Variants in NEB observed in about 807,000 individuals in gnomAD.
The protein encoded by NEB is nebulin.
NEB carries 512 observed loss-of-function variants against 952.2 expected under a neutral mutation model. The ratio of observed to expected loss-of-function variants is 0.54; its 90% CI spans 0.50 to 0.58. The LOEUF (loss-of-function observed/expected upper bound fraction) is 0.58, where lower values mean the gene tolerates loss of function less well. Among genes scored for constraint, NEB ranks in the 20% least tolerant of loss-of-function variants. NEB has a pLI of 0.00. For missense variants in NEB, 8,428 were observed against 9,231.1 expected, an observed-to-expected ratio of 0.91 and a Z score of 3.56; for synonymous variants, 2,900 against 3,149.8, an observed-to-expected ratio of 0.92 and a Z score of 2.66.
chr2:151,681,064 C>A (rs2099410698), intron 29 of NEB, among the ~76,000 whole-genome samples: 1 of 152,130 alleles, frequency 6.6e-6, no homozygotes, highest in East Asian at 1.9e-4. Context: ...CTCTCAGGAA[C>A]CAGACAGACT....
chr2:151,716,085 A>G (rs1437603937), intron 10 of NEB: 1 of 408,850 alleles, frequency 2.4e-6, no homozygotes, highest in African/African-American at 2.1e-5. Flanking sequence ...CCAAAAAGAT[A>G]AATTGTCCTT....
chr2:151,646,851 C>T (rs569192098), intron 54 of NEB, among the ~76,000 whole-genome samples: 83 of 152,244 alleles, frequency 5.5e-4, no homozygotes, highest in African/African-American at 1.9e-3. Context: ...GGTTTCGCTA[C>T]GTTGTGCAGG....
intron 52 of NEB, 95 bp from the exon 53 acceptor site, chr2:151,650,980 CA>C (rs2099023001): frequency 3.2e-6 from 4 of 1,245,452 alleles, no homozygotes; most frequent in Non-Finnish European, 4.4e-6. Flanking sequence ...TTTTTTGAGA[CA>C]GGGGTCTATG....
chr2:151,563,869 T>C lies in NEB; in HGVS notation c.18533A>G (p.Tyr6178Cys), dbSNP rs1442222959. 1 of 1,613,068 alleles carries C rather than the reference T, an allele frequency of 6.2e-7. No homozygotes were observed. ...ATGCTTGGCTCCAACAATGGGAATGTAGCGCTCATCCAGGGTGTAGCCATA... is the reference window on the plus strand; with the variant it reads ...ATGCTTGGCTCCAACAATGGGAATGCAGCGCTCATCCAGGGTGTAGCCATA... ...KAYGYTLDERYIPIVGAKHAD... is the reference protein window; with the variant it reads ...KAYGYTLDERCIPIVGAKHAD... The change falls in exon 118 of 182, where the codon TAC (tyrosine) becomes TGC (cysteine). Residue 6178 changes from tyrosine (Y) to cysteine (C), a missense_variant. Around this residue, in one of 11 missense-constraint regions of NEB, gnomAD observed 3,374 missense variants for 3,651.5 expected, o/e 0.92. Transcript: ENST00000397345.
At chr2:151,652,892 C>T (rs1415435913) in intron 52 of NEB, among the ~76,000 whole-genome samples, 3 of 152,106 alleles carry the variant, frequency 2.0e-5, no homozygotes, top group African/African-American at 4.8e-5. Context: ...TAGCACATAG[C>T]ACTAAATGGA....
chr2:151,692,536 T>C (rs1404311908), intron 20 of NEB, 174 bp from the exon 21 acceptor site: 7 of 659,482 alleles, frequency 1.1e-5, no homozygotes, highest in African/African-American at 9.1e-5. Context: ...TCATGCCTTA[T>C]ATAATCTCAT....
intron 54 of NEB, 132 bp downstream of exon 54, chr2:151,650,044 T>C: frequency 1.2e-6 from 1 of 821,386 alleles, no homozygotes; most frequent in Non-Finnish European, 1.9e-6. Context: ...AATAAAATGA[T>C]CCAATATAAA....
At chr2:151,492,980 T>C (rs752911349) in intron 176 of NEB, 2 of 219,718 alleles carry the variant, frequency 9.1e-6, no homozygotes, top group Non-Finnish European at 1.8e-5. Flanking sequence ...TTTCAGAGTA[T>C]TACCCATGTC....
intron 107 of NEB, among the ~76,000 whole-genome samples, chr2:151,571,554 T>C (rs1195560378): frequency 6.6e-6 from 1 of 152,210 alleles, no homozygotes; most frequent in Non-Finnish European, 1.5e-5. Flanking sequence ...TCAATATGGC[T>C]TTTTTGATCT....
chr2:151,685,672 G>A (rs907029005), intron 27 of NEB, among the ~76,000 whole-genome samples: 2 of 152,190 alleles, frequency 1.3e-5, no homozygotes, highest in Admixed American at 1.3e-4. Flanking sequence ...TGGGCCTCAA[G>A]GACTCCCTTC....
At chr2:151,555,566 T>A (rs1354906383) in intron 124 of NEB, among the ~76,000 whole-genome samples, 2 of 152,178 alleles carry the variant, frequency 1.3e-5, no homozygotes, top group African/African-American at 2.4e-5. Flanking sequence ...GGATAACAAT[T>A]AGTTCTTAAG....
In NEB at chr2:151,554,928, T is replaced by G; in HGVS notation, c.19428+3A>C. The G allele has an allele frequency of 6.2e-7, 1 of 1,602,400 alleles. No homozygotes were observed. Among genetic ancestry groups the G allele is most frequent in the Non-Finnish European group, 8.6e-7 (1 of 1,169,354 alleles). ...TCATTAAGGGGCGCATGACCGTACTTACATCGATGTTAAGCTTGCCAACTC... is the reference window on the plus strand; with the variant it reads ...TCATTAAGGGGCGCATGACCGTACTGACATCGATGTTAAGCTTGCCAACTC... On this transcript the variant is annotated splice_donor_region_variant and intron_variant, in intron 125 of 181. Coordinates refer to ENST00000397345, the MANE Select transcript of NEB (RefSeq NM_001164508.2).
At chr2:151,579,109 T>A (rs145381118) in intron 105 of NEB, among the ~76,000 whole-genome samples, 5,255 of 106,458 alleles carry the variant, frequency 0.049, 120 homozygotes, top group Middle Eastern at 0.071. Context: ...AAAAAAAAAG[T>A]AAGAAACTGG....
chr2:151,666,195 C>T lies in NEB; in HGVS notation c.4926G>A (p.Glu1642=), dbSNP rs2154178922. 6.2e-7 allele frequency: 1 copy of T among 1,613,940 alleles called. No homozygotes were observed. Among genetic ancestry groups the T allele is most frequent in the Non-Finnish European group, 8.5e-7 (1 of 1,179,854 alleles). Residue 1642 remains glutamate (E), a synonymous_variant, in exon 41 of 182, where the codon GAG becomes GAA. Transcript: ENST00000397345. ...GTCTGTAGTTGGCGTTGGTGGCAAC[C>T]TCCTGAGATTTCTTTGCAGCTGTCA... ...VSVTAAKKSQ[E]VATNANYRQS... is the part of the protein sequence containing the mutation.
At chr2:151,716,155 T>C in intron 10 of NEB, 1 of 440,454 alleles carries the variant, frequency 2.3e-6, no homozygotes, top group Non-Finnish European at 4.5e-6. Flanking sequence ...TTTTTCTCTT[T>C]TTGAGACAGT....
At chr2:151,687,769 A>G in intron 25 of NEB, 36 bp from the exon 26 acceptor site, 1 of 1,525,038 alleles carries the variant, frequency 6.6e-7, no homozygotes, top group East Asian at 2.4e-5. Flanking sequence ...AATGATAAGA[A>G]CAACAGTGTA....
At chr2:151,581,793 T>G (rs2097107460) in intron 102 of NEB, among the ~76,000 whole-genome samples, 1 of 146,348 alleles carries the variant, frequency 6.8e-6, no homozygotes, top group Non-Finnish European at 1.5e-5. Context: ...TATTAAATAA[T>G]AAGCAAAATG....
At chr2:151,514,520 TA>T (rs2076542012) in intron 158 of NEB, 92 bp from the exon 159 acceptor site, 1 of 1,027,870 alleles carries the variant, frequency 9.7e-7, no homozygotes, top group African/African-American at 1.6e-5. Context: ...TTCCAATTTT[TA>T]AAGGGTTCAC....
intron 46 of NEB, among the ~76,000 whole-genome samples, chr2:151,661,643 T>G (rs1248551648): frequency 6.6e-6 from 1 of 152,210 alleles, no homozygotes; most frequent in East Asian, 1.9e-4. Context: ...GAATAATTCA[T>G]GAACCAAGGA....
Sources: gnomAD v4.1 joint callset for allele counts (sites outside exome capture counted in the v4.1 genomes callset) on GRCh38, gnomAD v4.1.1 for gene constraint, gnomAD v4.1.1 regional missense constraint, MANE v1.5 for transcripts, NCBI Gene and HGNC (gene_info 2026-07-23, HGNC 2026-07-21) for gene names.